The following PDE3B variants were observed in gnomAD, a reference collection of about 807,000 sequenced individuals.
PDE3B encodes the protein phosphodiesterase 3B.
Under a neutral mutation model 116.8 loss-of-function variants are expected in PDE3B, and 66 were observed. That is an observed-to-expected ratio of 0.56 (90% confidence interval 0.46 to 0.69). The LOEUF is 0.69. Ranked by LOEUF, PDE3B falls within the 30% of genes least tolerant of loss-of-function variation. The pLI, the probability that PDE3B is intolerant of heterozygous loss-of-function variation, is 0.00. For missense variants in PDE3B, 1,384 were observed against 1,368.1 expected (o/e 1.01, Z -0.18); for synonymous variants, 595 against 533.6 (o/e 1.12, Z -1.59).
At chr11:14,668,427 C>A (rs1854254707) in intron 1 of PDE3B, among the ~76,000 whole-genome samples, 1 of 151,974 alleles carries the variant, frequency 6.6e-6, no homozygotes, top group Non-Finnish European at 1.5e-5. Flanking sequence ...TTATGTTAAA[C>A]CCTGGTCAAC....
the PDE3B span, chr11:14,890,874 GT>G: frequency 1.7e-5 from 17 of 985,336 alleles, no homozygotes; most frequent in Non-Finnish European, 2.0e-5. Flanking sequence ...GTAAAAATTG[GT>G]TTAAGTAAGG....
At chr11:14,734,904 CT>C (rs538993201) in intron 1 of PDE3B, among the ~76,000 whole-genome samples, 91 of 152,174 alleles carry the variant, frequency 6.0e-4, no homozygotes, top group Middle Eastern at 3.4e-3. Flanking sequence ...AATATCTGTT[CT>C]TTATTTAAGT....
rs746332350 is a variant in PDE3B, at chr11:14,786,658, T to G, written c.1251T>G (p.Ala417=). 2 of 1,611,688 alleles carry G rather than the reference T, an allele frequency of 1.2e-6. No individual in the cohort carries two copies. Among genetic ancestry groups the G allele is most frequent in the Non-Finnish European group, 8.5e-7 (1 of 1,178,124 alleles). Residue 417 remains alanine (A), a synonymous_variant, in exon 3 of 16, where the codon GCT becomes GCG. Coordinates refer to ENST00000282096, the MANE Select transcript of PDE3B (RefSeq NM_000922.4). ...FYPCSEIEDP[A]EKGDRKLNKG... is the part of the protein sequence containing the mutation. ...CCTGTTCTGAAATAGAGGACCCAGCTGAGAAAGGGGATAGAAAACTTAACA... is the reference window on the plus strand; with the variant it reads ...CCTGTTCTGAAATAGAGGACCCAGCGGAGAAAGGGGATAGAAAACTTAACA...
chr11:14,789,316 T>C (rs968274637), intron 4 of PDE3B, 74 bp downstream of exon 4: 9 of 1,172,446 alleles, frequency 7.7e-6, no homozygotes, highest in Non-Finnish European at 3.7e-6. Context: ...ATGTTTCAAA[T>C]AGTTCTGGAA....
chr11:14,838,500 C>A (rs1261342410), intron 11 of PDE3B, among the ~76,000 whole-genome samples: 2 of 152,152 alleles, frequency 1.3e-5, no homozygotes, highest in African/African-American at 4.8e-5. Flanking sequence ...TCCCCAAATC[C>A]TGCTGATTCT....
the PDE3B span, among the ~76,000 whole-genome samples, chr11:14,896,666 T>C: frequency 1.3e-5 from 2 of 152,218 alleles, no homozygotes; most frequent in African/African-American, 2.4e-5. Flanking sequence ...GACTCCCCCA[T>C]GATCGTGTTC....
At chr11:14,852,342 T>G (rs1164396057) in intron 12 of PDE3B, among the ~76,000 whole-genome samples, 4 of 152,192 alleles carry the variant, frequency 2.6e-5, no homozygotes, top group African/African-American at 9.6e-5. Flanking sequence ...AGGCATGAGC[T>G]ACCATGCCGG....
intron 1 of PDE3B, among the ~76,000 whole-genome samples, chr11:14,724,207 C>T (rs1465951257): frequency 6.6e-6 from 1 of 151,948 alleles, no homozygotes; most frequent in Non-Finnish European, 1.5e-5. Flanking sequence ...AAATTGATTA[C>T]CAGGGGGTTG....
chr11:14,781,120 T>G (rs1463764935), intron 2 of PDE3B, among the ~76,000 whole-genome samples: 2 of 152,164 alleles, frequency 1.3e-5, no homozygotes, highest in Admixed American at 6.5e-5. Flanking sequence ...CAGGAAGAAG[T>G]TGAATTTCTG....
At chr11:14,665,489 C>G (rs1854106685) in intron 1 of PDE3B, among the ~76,000 whole-genome samples, 1 of 152,206 alleles carries the variant, frequency 6.6e-6, no homozygotes, top group Non-Finnish European at 1.5e-5. Context: ...TCCCTGTTTG[C>G]AGATGACATG....
At chr11:14,701,853 C>T (rs920667216) in intron 1 of PDE3B, among the ~76,000 whole-genome samples, 18 of 151,506 alleles carry the variant, frequency 1.2e-4, no homozygotes, top group African/African-American at 4.4e-4. Context: ...TGATTTCTCT[C>T]TGGAAGCGTT....
At chr11:14,872,285 T>C (rs1463350568), downstream of PDE3B, among the ~76,000 whole-genome samples, 1 of 152,128 alleles carries the variant, frequency 6.6e-6, no homozygotes, top group Non-Finnish European at 1.5e-5. Context: ...CTAGAGTGTG[T>C]AGGGGATAGG....
intron 1 of PDE3B, among the ~76,000 whole-genome samples, chr11:14,715,230 C>T (rs1402833030): frequency 2.0e-5 from 3 of 152,130 alleles, no homozygotes; most frequent in Non-Finnish European, 4.4e-5. Flanking sequence ...TTAGGATTGA[C>T]TTGGCGATGC....
Position 14,869,462 on chromosome 11 carries a change from A to G in PDE3B, c.3141A>G (p.Lys1047=). The change falls in exon 16 of 16, where the codon AAA becomes AAG. Residue 1047 remains lysine (K), a splice_region_variant and synonymous_variant. Coordinates refer to ENST00000282096, the MANE Select transcript of PDE3B (RefSeq NM_000922.4). ...DEEMENNLNP[K]PPRRKSRRRI... is the part of the protein sequence containing the mutation. ...ATATATTTATTTTAAATTTCACAGA[A>G]CCACCAAGAAGGAAAAGCAGACGGC... is the stretch of plus-strand genomic sequence containing the variant. 2 of 1,610,086 alleles carry G rather than the reference A, an allele frequency of 1.2e-6. No individual in the cohort carries two copies. The highest frequency in any genetic ancestry group is 1.7e-6 in the Non-Finnish European group (2 of 1,178,706).
chr11:14,654,504 T>C (rs925629557), intron 1 of PDE3B, among the ~76,000 whole-genome samples: 1 of 151,832 alleles, frequency 6.6e-6, no homozygotes, highest in Non-Finnish European at 1.5e-5. Context: ...AAAGGAAAAA[T>C]TGAGGGAGTT....
chr11:14,645,294 G>A (rs1853367895), intron 1 of PDE3B, among the ~76,000 whole-genome samples: 1 of 151,522 alleles, frequency 6.6e-6, no homozygotes, highest in Non-Finnish European at 1.5e-5. Flanking sequence ...CAAATAGCCC[G>A]CTAATCACAT....
chr11:14,793,543 G>A (rs1858455858), intron 4 of PDE3B, among the ~76,000 whole-genome samples: 1 of 152,248 alleles, frequency 6.6e-6, no homozygotes, highest in Middle Eastern at 3.4e-3. Flanking sequence ...TATACTTAGA[G>A]TTAAAAGAAG....
chr11:14,854,566 G>T (rs1172057298), intron 12 of PDE3B, among the ~76,000 whole-genome samples: 1 of 150,806 alleles, frequency 6.6e-6, no homozygotes, highest in African/African-American at 2.4e-5. Flanking sequence ...TTGCCAGGCT[G>T]GAGTGCAGTG....
At chr11:14,890,510 T>C in the PDE3B span, 3 of 796,442 alleles carry the variant, frequency 3.8e-6, no homozygotes, top group Non-Finnish European at 4.6e-6. Context: ...CATTAGTGAC[T>C]TTCTATTCTA....
Sources: allele counts gnomAD v4.1 joint callset (sites outside exome capture counted in the v4.1 genomes callset), GRCh38; gene constraint gnomAD v4.1.1; transcripts MANE v1.5; gene names NCBI Gene and HGNC (gene_info 2026-07-23, HGNC 2026-07-21).